CEP295: variants seen among roughly 807,000 people sequenced by gnomAD.
The protein encoded by CEP295 is centrosomal protein 295, also known as centrosomal protein of 295 kDa.
Under a neutral mutation model 291.6 loss-of-function variants are expected in CEP295, and 190 were observed. The ratio of observed to expected loss-of-function variants is 0.65; its 90% CI spans 0.58 to 0.73. CEP295 has a LOEUF of 0.73. Among genes scored for constraint, CEP295 ranks in the 30% least tolerant of loss-of-function variants. The pLI is 0.00. For missense variants in CEP295, 2,863 were observed against 2,949.4 expected (o/e 0.97, Z 0.68); for synonymous variants, 993 against 1,038.8 (o/e 0.96, Z 0.85).
chr11:93,680,631 C>CA (rs1398516385), intron 7 of CEP295, among the ~76,000 whole-genome samples: 3 of 152,144 alleles, frequency 2.0e-5, no homozygotes, highest in African/African-American at 4.8e-5. Flanking sequence ...ACCCTGGTGA[C>CA]AGAGTGAGAT....
At chr11:93,669,388 C>T (rs1331054213) in intron 4 of CEP295, among the ~76,000 whole-genome samples, 1 of 148,016 alleles carries the variant, frequency 6.8e-6, no homozygotes, top group African/African-American at 2.5e-5. Flanking sequence ...TACTAGTTAG[C>T]AACAGCCATT....
intron 1 of CEP295, among the ~76,000 whole-genome samples, chr11:93,665,143 T>C (rs1009169140): frequency 6.6e-6 from 1 of 152,220 alleles, no homozygotes; most frequent in Non-Finnish European, 1.5e-5. Context: ...ATTCAGTAAC[T>C]GAGATTGTCT....
Position 93,679,399 on chromosome 11 carries a change from G to T in CEP295, c.625-13G>T. 1.3e-6 allele frequency: 2 copies of T among 1,530,864 alleles called. No individual in the cohort carries two copies. The highest frequency in any genetic ancestry group is 1.8e-6 in the Non-Finnish European group (2 of 1,139,114). The allele number at this position is 1,530,864 out of a possible 1,614,324, so 94.8% of individuals were successfully genotyped here. A position where few individuals can be genotyped will look rare whatever the true frequency, so the allele number is the denominator to read the frequency against. ...TTTAAAAATTTTGCCTACAATTTTT[G>T]ATTGACTGCTAGCCAGATGCTCGTT... On this transcript the variant is annotated splice_polypyrimidine_tract_variant and intron_variant, in intron 6 of 29. Coordinates refer to ENST00000325212, the MANE Select transcript of CEP295 (RefSeq NM_033395.2).
intron 27 of CEP295, 39 bp from the exon 28 acceptor site, chr11:93,729,831 C>CCTTGTGTTTACAACTTGATTTCACTTTT: frequency 6.5e-7 from 1 of 1,537,280 alleles, no homozygotes; most frequent in South Asian, 1.2e-5. Flanking sequence ...ATGTTTAAAG[C>CCTTGTGTTTACAACTTGATTTCACTTTT]CTTGTGTTTA....
intron 22 of CEP295, among the ~76,000 whole-genome samples, chr11:93,725,386 A>C (rs909559611): frequency 2.0e-5 from 3 of 152,228 alleles, no homozygotes; most frequent in Non-Finnish European, 2.9e-5. Context: ...AGTAAATACA[A>C]TTTTGCAAAA....
At position 93,699,925 on chromosome 11, in the gene CEP295, G is replaced by A. The variant is rs771075091; in HGVS notation, c.5013G>A (p.Leu1671=). 3 of 1,551,740 alleles carry A rather than the reference G, an allele frequency of 1.9e-6. No homozygotes were observed. In the South Asian group the frequency reaches 3.6e-5, roughly 18 times the overall value. Residue 1671 remains leucine, a synonymous_variant, in exon 15 of 30, where the codon TTG becomes TTA. Transcript: ENST00000325212. ...CTAAACCTAAAAGCACTTGTGAATTGTATTCATCCCAGAATGAACATGCAG... is the reference window on the plus strand; with the variant it reads ...CTAAACCTAAAAGCACTTGTGAATTATATTCATCCCAGAATGAACATGCAG... The part of the protein sequence containing the change: ...AEAKPKSTCE[L]YSSQNEHAAP...
At chr11:93,704,496 C>T (rs1038551092) in intron 17 of CEP295, among the ~76,000 whole-genome samples, 1 of 152,096 alleles carries the variant, frequency 6.6e-6, no homozygotes, top group African/African-American at 2.4e-5. Context: ...AGGAGGCTCA[C>T]TTGAGCCCAG....
chr11:93,728,605 C>A, intron 24 of CEP295, 76 bp from the exon 25 acceptor site: 1 of 1,303,234 alleles, frequency 7.7e-7, no homozygotes. Context: ...AAAAAATGTG[C>A]ATTATATACA....
rs1938118906 is a variant in CEP295, at chr11:93,729,687, G to A, written c.7473G>A (p.Met2491Ile). Residue 2491 changes from methionine to isoleucine, a missense_variant, in exon 27 of 30, where the codon ATG becomes ATA. Around this residue, in one of 3 missense-constraint regions of CEP295, gnomAD observed 2,295 missense variants for 2,335.7 expected, o/e 0.98. Transcript: ENST00000325212. ...EAFIKRKKSF[M>I]ERSHQRQKEI... ...TTATAAAGAGGAAAAAATCATTTAT[G>A]GAGAGATCCCACCAGAGGCAGAAAG... 6.4e-7 allele frequency: 1 copy of A among 1,550,394 alleles called. No individual in the cohort carries two copies. The highest frequency in any genetic ancestry group is 8.7e-7 in the Non-Finnish European group (1 of 1,146,066).
intron 13 of CEP295, 110 bp downstream of exon 13, chr11:93,695,744 C>G (rs952748607): frequency 7.8e-7 from 1 of 1,280,708 alleles, no homozygotes; most frequent in African/African-American, 1.6e-5. Flanking sequence ...GGCGCGGTGG[C>G]TCATGCCTGT....
rs1186500233 is a variant in CEP295 at position 93,669,600 on chromosome 11, A to G, written c.435-77A>G. The G allele has an allele frequency of 1.2e-5, 11 of 907,400 alleles. No individual in the cohort carries two copies. The Admixed American group carries it at 2.4e-4, about 20-fold the overall frequency. 56.2% of individuals were successfully genotyped at this position (907,400 alleles called of 1,614,324 possible). A position where few individuals can be genotyped will look rare whatever the true frequency, so the allele number is the denominator to read the frequency against. ...GACTAGAGGATTTCTTGAGCCTATG[A>G]CTTACATATTTTTAACCCTGTTGTA... On this transcript the variant is annotated intron_variant, in intron 4 of 29. Coordinates refer to ENST00000325212, the MANE Select transcript of CEP295 (RefSeq NM_033395.2).
chr11:93,676,753 T>C (rs989764200), intron 6 of CEP295, among the ~76,000 whole-genome samples: 15 of 151,546 alleles, frequency 9.9e-5, no homozygotes, highest in African/African-American at 3.6e-4. Context: ...TGATGATGAA[T>C]TTTTTTTTAC....
At chr11:93,685,775 A>G (rs548446394) in intron 9 of CEP295, among the ~76,000 whole-genome samples, 2 of 152,178 alleles carry the variant, frequency 1.3e-5, no homozygotes, top group African/African-American at 4.8e-5. Context: ...CAGTGGCACG[A>G]TCTTGGCTCA....
At chr11:93,662,211 T>C (rs1950024280) in intron 1 of CEP295, among the ~76,000 whole-genome samples, 1 of 152,240 alleles carries the variant, frequency 6.6e-6, no homozygotes, top group Non-Finnish European at 1.5e-5. Context: ...CTCACAGTTA[T>C]TCAATCCTGT....
chr11:93,700,069 A>G lies in CEP295; in HGVS notation c.5157A>G (p.Glu1719=). ...GLQKQLDLQR[E]VLHYSQKAQE... ...AGAAACAGTTGGATCTACAAAGAGAAGTTCTGCATTATAGCCAGAAAGCCC... is the reference window on the plus strand; with the variant it reads ...AGAAACAGTTGGATCTACAAAGAGAGGTTCTGCATTATAGCCAGAAAGCCC... Residue 1719 remains glutamate (E), a synonymous_variant, in exon 15 of 30, where the codon GAA becomes GAG. Coordinates refer to ENST00000325212, the MANE Select transcript of CEP295 (RefSeq NM_033395.2). 1.9e-6 allele frequency: 3 copies of G among 1,551,872 alleles called. No homozygotes were observed. The highest frequency in any genetic ancestry group is 2.6e-6 in the Non-Finnish European group (3 of 1,147,018).
chr11:93,696,645 T>C, intron 14 of CEP295, 37 bp from the exon 15 acceptor site: 2 of 1,480,978 alleles, frequency 1.4e-6, no homozygotes, highest in Non-Finnish European at 1.8e-6. Flanking sequence ...TTATTTTTCA[T>C]TAAAAAACAA....
At chr11:93,691,266 C>G (rs1039364595) in intron 10 of CEP295, among the ~76,000 whole-genome samples, 1 of 152,180 alleles carries the variant, frequency 6.6e-6, no homozygotes, top group African/African-American at 2.4e-5. Context: ...CAAATATGAT[C>G]AGAACAAATT....
intron 9 of CEP295, among the ~76,000 whole-genome samples, chr11:93,687,349 C>A (rs969680173): frequency 4.6e-5 from 7 of 152,122 alleles, no homozygotes; most frequent in African/African-American, 7.2e-5. Flanking sequence ...ATTTAGCAAG[C>A]AAAATAAACA....
chr11:93,730,198 C>A, intron 29 of CEP295, 33 bp from the exon 30 acceptor site: 1 of 1,551,228 alleles, frequency 6.4e-7, no homozygotes. Context: ...ATGAAGTACA[C>A]AACTGAAACT....
Sources: allele counts gnomAD v4.1 joint callset (sites outside exome capture counted in the v4.1 genomes callset), GRCh38; gene constraint gnomAD v4.1.1; regional missense constraint gnomAD v4.1.1; transcripts MANE v1.5; gene names NCBI Gene and HGNC (gene_info 2026-07-23, HGNC 2026-07-21).